TOX: variants seen among roughly 807,000 people sequenced by gnomAD.
TOX encodes the protein thymocyte selection-associated high mobility group box protein TOX.
A neutral mutation model predicts 53.7 loss-of-function variants in TOX; 11 were observed. The ratio of observed to expected loss-of-function variants is 0.20; its 90% confidence interval spans 0.13 to 0.34. The LOEUF (loss-of-function observed/expected upper bound fraction) is 0.34. Ranked by LOEUF, TOX falls within the 10% of genes least tolerant of loss-of-function variation. The pLI, the probability that TOX is intolerant of heterozygous loss-of-function variation, is 1.00. For synonymous variants in TOX, 225 were observed against 245.3 expected (o/e 0.92, Z 0.77); for missense variants, 570 against 664.6 (o/e 0.86, Z 1.56).
In TOX at chr8:59,118,410, C is replaced by T. The variant is rs1805146982; in HGVS notation, c.102+476G>A. On this transcript the variant is annotated intron_variant, in intron 1 of 8. Coordinates refer to ENST00000361421, the MANE Select transcript of TOX (RefSeq NM_014729.3). This position sits in a 1 kb window ranked among gnomAD's most constrained non-coding sequence, Gnocchi z 4.1. ...GGGGCGCCTCCCAGGTCCCTGCACC[C>T]CGACTCCCGGCTGCTCCCCTGGCAA... 6.6e-6 allele frequency among the ~76,000 whole-genome samples: 1 copy of T among 152,126 alleles called. No homozygotes were observed. The highest frequency in any genetic ancestry group is 2.4e-5 in the African/African-American group (1 of 41,428).
chr8:59,110,215 A>C (rs1481389882), intron 1 of TOX, among the ~76,000 whole-genome samples: 1 of 152,160 alleles, frequency 6.6e-6, no homozygotes, highest in African/African-American at 2.4e-5. Context: ...TTAAGCTTCT[A>C]CTATCTGCAG....
chr8:58,896,284 A>G (rs528046335), intron 3 of TOX, among the ~76,000 whole-genome samples: 2 of 152,282 alleles, frequency 1.3e-5, no homozygotes, highest in African/African-American at 2.4e-5. Flanking sequence ...CACACCCAAC[A>G]TAAAAGGGGG....
In TOX at chr8:58,973,165, C is replaced by T. The variant is rs570789438; in HGVS notation, c.103-13157G>A. The stretch of plus-strand genomic sequence containing the variant: ...CTCAGAAAGTGATATAGTACCTATT[C>T]CCCATTCTACATAATGCAGGCAACA... On this transcript the variant is annotated intron_variant, in intron 1 of 8. Transcript: ENST00000361421. Among the ~76,000 whole-genome samples the T allele has an allele frequency of 2.6e-5, 4 of 152,256 alleles. No individual in the cohort carries two copies. In the East Asian group the frequency reaches 5.8e-4, roughly 22 times the overall value.
chr8:59,077,350 G>A (rs1040144886), intron 1 of TOX, among the ~76,000 whole-genome samples: 6 of 152,158 alleles, frequency 3.9e-5, no homozygotes, highest in African/African-American at 1.4e-4. Context: ...AAGTATGCAG[G>A]AAAATCGATC....
rs1468582435 is a variant in TOX at position 59,117,573 on chromosome 8, A to C, written c.102+1313T>G. ...TGCCTGTGTGTCAACACTGTCCAAG[A>C]CTCGGAGCTGCGACTCGGTCGCGTG... is the stretch of plus-strand genomic sequence containing the variant. On this transcript the variant is annotated intron_variant, in intron 1 of 8. Coordinates refer to ENST00000361421, the MANE Select transcript of TOX (RefSeq NM_014729.3). The surrounding 1 kb of genome is among the most constrained non-coding windows in gnomAD (Gnocchi z 4.6). Among the ~76,000 whole-genome samples the C allele has an allele frequency of 6.6e-6, 1 of 152,192 alleles. No individual in the cohort carries two copies. The highest frequency in any genetic ancestry group is 1.5e-5 in the Non-Finnish European group (1 of 68,040).
intron 1 of TOX, among the ~76,000 whole-genome samples, chr8:59,020,085 A>G (rs927559861): frequency 6.6e-6 from 1 of 152,226 alleles, no homozygotes; most frequent in Non-Finnish European, 1.5e-5. Context: ...CTAGTTTTCA[A>G]CCTTAGCTCG....
intron 3 of TOX, among the ~76,000 whole-genome samples, chr8:58,932,124 TAAGAATTTGTCC>T (rs1812264806): frequency 6.6e-6 from 1 of 152,162 alleles, no homozygotes; most frequent in Non-Finnish European, 1.5e-5. Context: ...TTGGCCTTAT[TAAGAATTTGTCC>T]AAAAAGGAAA....
At chr8:58,810,310 T>G (rs1423691749) in intron 7 of TOX, among the ~76,000 whole-genome samples, 1 of 151,924 alleles carries the variant, frequency 6.6e-6, no homozygotes, top group East Asian at 1.9e-4. Flanking sequence ...AGCTGCTATC[T>G]TTTTAGTGTA....
chr8:58,826,982 TG>T, intron 5 of TOX, 80 bp from the exon 6 acceptor site: 1 of 1,013,348 alleles, frequency 9.9e-7, no homozygotes, highest in East Asian at 2.6e-5. Context: ...GAATGATAAC[TG>T]CACACACAAA....
intron 3 of TOX, among the ~76,000 whole-genome samples, chr8:58,869,116 A>C (rs1448248344): frequency 6.6e-6 from 1 of 151,814 alleles, no homozygotes; most frequent in African/African-American, 2.4e-5. Context: ...AGTCCCAGCT[A>C]CTCAGGAAAC....
chr8:59,009,310 CCTT>C (rs1248198221), intron 1 of TOX, among the ~76,000 whole-genome samples: 1 of 151,082 alleles, frequency 6.6e-6, no homozygotes, highest in African/African-American at 2.4e-5. Flanking sequence ...TCCTCTCTTT[CCTT>C]CTTTCCTTCT....
chr8:59,086,716 G>C (rs768720877), intron 1 of TOX, among the ~76,000 whole-genome samples: 4 of 152,168 alleles, frequency 2.6e-5, no homozygotes, highest in Non-Finnish European at 4.4e-5. Flanking sequence ...TAAAAAATGA[G>C]ATTGCTAAAT....
At chr8:58,906,293 C>T (rs1021105488) in intron 3 of TOX, among the ~76,000 whole-genome samples, 13 of 152,056 alleles carry the variant, frequency 8.5e-5, no homozygotes, top group African/African-American at 3.1e-4. Context: ...TGTTCAATAT[C>T]ATTTATCAAA....
At chr8:58,891,335 A>T (rs746878756) in intron 3 of TOX, among the ~76,000 whole-genome samples, 18 of 152,294 alleles carry the variant, frequency 1.2e-4, no homozygotes, top group South Asian at 4.2e-4. Flanking sequence ...GAAAAAAGGG[A>T]ATAAAAGAAA....
intron 1 of TOX, among the ~76,000 whole-genome samples, chr8:58,960,599 G>A (rs1228871064): frequency 1.3e-5 from 2 of 152,014 alleles, no homozygotes; most frequent in African/African-American, 2.4e-5. Context: ...AAATACACAG[G>A]CACAATGAAA....
At chr8:59,026,331 G>T (rs1248250205) in intron 1 of TOX, among the ~76,000 whole-genome samples, 1 of 152,144 alleles carries the variant, frequency 6.6e-6, no homozygotes, top group African/African-American at 2.4e-5. Flanking sequence ...GGACCAATAG[G>T]AAGGCCTGAG....
intron 1 of TOX, among the ~76,000 whole-genome samples, chr8:59,103,405 C>G (rs1422622049): frequency 6.6e-6 from 1 of 152,014 alleles, no homozygotes; most frequent in Non-Finnish European, 1.5e-5. Flanking sequence ...GAACTATATC[C>G]CAAAGCAGTA....
chr8:58,963,810 G>A (rs1046821387), intron 1 of TOX, among the ~76,000 whole-genome samples: 8 of 152,214 alleles, frequency 5.3e-5, no homozygotes, highest in Non-Finnish European at 1.2e-4. Context: ...CCACCAGAGG[G>A]AATGGTGCAT....
At chr8:58,815,117 T>G (rs1019672819) in intron 7 of TOX, among the ~76,000 whole-genome samples, 1 of 152,244 alleles carries the variant, frequency 6.6e-6, no homozygotes, top group Non-Finnish European at 1.5e-5. Context: ...AAGAAGTGAC[T>G]GTCAATTGTG....
Sources: gnomAD v4.1 joint callset for allele counts (sites outside exome capture counted in the v4.1 genomes callset) on GRCh38, gnomAD v4.1.1 for gene constraint, Gnocchi (gnomAD v3.1) non-coding constraint, MANE v1.5 for transcripts, NCBI Gene and HGNC (gene_info 2026-07-23, HGNC 2026-07-21) for gene names.